The following NOMO2 variants were observed in gnomAD, a reference collection of about 807,000 sequenced individuals.
The protein encoded by NOMO2 is BOS complex subunit NOMO2.
NOMO2 carries 14 observed loss-of-function variants against 67.1 expected under a neutral mutation model. That is an observed-to-expected ratio of 0.21 (90% CI 0.14 to 0.33). The LOEUF is 0.33. NOMO2 is among the 10% of genes least tolerant of loss of function. The probability of loss-of-function intolerance (pLI) is 1.00; values close to 1 mark genes in which losing one functional copy is unlikely to be tolerated. For synonymous variants in NOMO2, 80 were observed against 305.9 expected, an observed-to-expected ratio of 0.26 and a Z score of 7.71; for missense variants, 178 against 761.0, an observed-to-expected ratio of 0.23 and a Z score of 9.01.
intron 6 of NOMO2, among the ~76,000 whole-genome samples, chr16:18,546,400 A>G (rs1901664957): frequency 2.0e-5 from 1 of 48,824 alleles, no homozygotes; most frequent in Non-Finnish European, 4.2e-5. Flanking sequence ...GTTCGAGACC[A>G]GCCTGGCCAA....
chr16:18,528,519 T>C (rs1050024833), intron 15 of NOMO2, among the ~76,000 whole-genome samples: 34 of 151,868 alleles, frequency 2.2e-4, no homozygotes, highest in African/African-American at 7.5e-4. Flanking sequence ...CCACTCAACA[T>C]CAAAACATTA....
chr16:18,533,649 T>C (rs1901356055), intron 11 of NOMO2: 1 of 163,698 alleles, frequency 6.1e-6, no homozygotes, highest in African/African-American at 2.4e-5. Context: ...GACGTCTTCC[T>C]TGCTTGTGAT....
chr16:18,560,772 T>G (rs1902020341), intron 1 of NOMO2, among the ~76,000 whole-genome samples: 1 of 151,494 alleles, frequency 6.6e-6, no homozygotes, highest in South Asian at 2.1e-4. Context: ...GCTGATGGGG[T>G]GTGGAACTGA....
intron 11 of NOMO2, among the ~76,000 whole-genome samples, chr16:18,535,156 A>G (rs1901387966): frequency 7.6e-6 from 1 of 131,136 alleles, no homozygotes; most frequent in Admixed American, 8.2e-5. Flanking sequence ...CCAACACGGC[A>G]AAACCACATC....
intron 9 of NOMO2, among the ~76,000 whole-genome samples, chr16:18,541,907 T>C (rs1901556634): frequency 8.8e-6 from 1 of 113,390 alleles, no homozygotes; most frequent in Admixed American, 9.3e-5. Flanking sequence ...TTTTGGTCAC[T>C]GCTATATCCC....
chr16:18,535,678 C>T (rs936964166), intron 11 of NOMO2, among the ~76,000 whole-genome samples: 1 of 151,976 alleles, frequency 6.6e-6, no homozygotes, highest in African/African-American at 2.4e-5. Context: ...ACCACTGCCT[C>T]ATATCTGGCC....
At chr16:18,555,801 GT>G (rs1174975441) in intron 2 of NOMO2, among the ~76,000 whole-genome samples, 7 of 76,420 alleles carry the variant, frequency 9.2e-5, no homozygotes, top group East Asian at 6.4e-4. Context: ...TAGAGACGGG[GT>G]TGCACCATGT....
chr16:18,559,701 G>A (rs1271793610), intron 1 of NOMO2, among the ~76,000 whole-genome samples: 1 of 151,900 alleles, frequency 6.6e-6, no homozygotes, highest in Middle Eastern at 3.2e-3. Flanking sequence ...AGCCTAGACC[G>A]GTTAGGGAGG....
At chr16:18,528,972 A>C (rs1901219462) in intron 15 of NOMO2, among the ~76,000 whole-genome samples, 1 of 101,132 alleles carries the variant, frequency 9.9e-6, no homozygotes, top group Non-Finnish European at 2.1e-5. Flanking sequence ...CATCTCAAAA[A>C]AAAAAAAAAA....
intron 11 of NOMO2, chr16:18,533,745 T>C (rs1341064704): frequency 6.5e-6 from 1 of 153,310 alleles, no homozygotes; most frequent in African/African-American, 2.4e-5. Context: ...AAAATTGAAC[T>C]CCTTGGGAGG....
At chr16:18,561,198 A>AC (rs1902041222) in intron 1 of NOMO2, among the ~76,000 whole-genome samples, 2 of 134,428 alleles carry the variant, frequency 1.5e-5, no homozygotes, top group Admixed American at 7.5e-5. Flanking sequence ...AAAAAAAAAA[A>AC]AAAAAAAAAC....
In NOMO2 at chr16:18,561,911, TGAC is replaced by T. The variant is rs1269325243; in HGVS notation, c.127_129del (p.Val43del). On this transcript the variant is annotated inframe_deletion, in exon 1 of 31. Coordinates refer to ENST00000622306, the MANE Select transcript of NOMO2 (RefSeq NM_173614.4). The stretch of plus-strand genomic sequence containing the variant: ...GAGTAGTTGATCTCCACGTCCGACT[TGAC>T]GAAGCCACCGCAGCCCACCACGATG... The T allele has an allele frequency of 6.3e-7, 1 of 1,575,022 alleles. No homozygotes were observed. Among genetic ancestry groups the T allele is most frequent in the Non-Finnish European group, 8.6e-7 (1 of 1,162,742 alleles).
intron 3 of NOMO2, among the ~76,000 whole-genome samples, chr16:18,553,061 G>A (rs1192990655): frequency 6.6e-6 from 1 of 151,838 alleles, no homozygotes; most frequent in African/African-American, 2.4e-5. Context: ...ATCACTTGAG[G>A]TCAGGAGTTC....
intron 1 of NOMO2, among the ~76,000 whole-genome samples, chr16:18,560,001 C>CAGTAAAT (rs1394095780): frequency 6.6e-6 from 1 of 151,522 alleles, no homozygotes; most frequent in African/African-American, 2.4e-5. Context: ...TGCCGGGGCT[C>CAGTAAAT]AGTAAATAGT....
At chr16:18,531,975 AT>A (rs776014864) in intron 12 of NOMO2, among the ~76,000 whole-genome samples, 33 of 150,186 alleles carry the variant, frequency 2.2e-4, no homozygotes, top group South Asian at 4.3e-4. Context: ...TGTTAACACT[AT>A]GTGGATGACA....
At chr16:18,560,235 T>C (rs1902007098) in intron 1 of NOMO2, among the ~76,000 whole-genome samples, 1 of 151,866 alleles carries the variant, frequency 6.6e-6, no homozygotes, top group African/African-American at 2.4e-5. Context: ...CTGAATTACT[T>C]ACGAAAGAAT....
At position 18,538,688 on chromosome 16, in the gene NOMO2, A is replaced by C. The variant is rs1901478274; in HGVS notation, c.1070-12T>G. Reference sequence around the variant, plus strand: ...AGCTTTTGTTTTAACTGTAAAACAAAAACACACAAACAGAAGATAAGCCAA... The same window carrying C: ...AGCTTTTGTTTTAACTGTAAAACAACAACACACAAACAGAAGATAAGCCAA... On this transcript the variant is annotated splice_polypyrimidine_tract_variant and intron_variant, in intron 10 of 30. Coordinates refer to ENST00000622306, the MANE Select transcript of NOMO2 (RefSeq NM_173614.4). The C allele has an allele frequency of 6.2e-7, 1 of 1,613,580 alleles. No homozygotes were observed.
At position 18,526,988 on chromosome 16, in the gene NOMO2, G is replaced by A. The variant is rs562354982; in HGVS notation, c.1894+549C>T. 9.3e-5 allele frequency among the ~76,000 whole-genome samples: 14 copies of A among 150,610 alleles called. No homozygotes were observed. The South Asian group carries it at 1.1e-3, about 12-fold the overall frequency. ...TCCCAGCACTTTGGGAGGCTGAGGC[G>A]GGCGGATCACTTTAGGTCAGGAGTT... On this transcript the variant is annotated intron_variant, in intron 16 of 30. Transcript: ENST00000622306.
At chr16:18,551,738 C>A (rs1255177202) in intron 3 of NOMO2, among the ~76,000 whole-genome samples, 199 bp from the exon 4 acceptor site, 1 of 148,546 alleles carries the variant, frequency 6.7e-6, no homozygotes, top group East Asian at 2.0e-4. Flanking sequence ...CACCCCTATC[C>A]CCCTAGCCTC....
Sources: allele counts gnomAD v4.1 joint callset (sites outside exome capture counted in the v4.1 genomes callset), GRCh38; gene constraint gnomAD v4.1.1; transcripts MANE v1.5; gene names NCBI Gene and HGNC (gene_info 2026-07-23, HGNC 2026-07-21).